Variants in SGTA observed in about 807,000 individuals in gnomAD.
The protein encoded by SGTA is small glutamine-rich tetratricopeptide repeat-containing protein alpha.
In SGTA, 22 loss-of-function variants were observed where a neutral mutation model predicts 44.3. The observed-to-expected ratio is 0.50, with a 90% CI of 0.36 to 0.71. The LOEUF is 0.71. Among genes scored for constraint, SGTA ranks in the 30% least tolerant of loss-of-function variants. The probability of loss-of-function intolerance (pLI) is 0.00; values close to 1 mark genes in which losing one functional copy is unlikely to be tolerated. For missense variants in SGTA, 341 were observed against 435.9 expected (o/e 0.78, Z 1.94); for synonymous variants, 174 against 177.6 (o/e 0.98, Z 0.16).
At chr19:2,762,924 C>A (rs746906770) in intron 6 of SGTA, among the ~76,000 whole-genome samples, 1 of 152,182 alleles carries the variant, frequency 6.6e-6, no homozygotes, top group Admixed American at 6.5e-5. Flanking sequence ...GAGGAGGGAG[C>A]GGGCCAGCTC....
intron 1 of SGTA, among the ~76,000 whole-genome samples, chr19:2,772,844 G>A (rs1293259518): frequency 1.2e-4 from 15 of 122,436 alleles, no homozygotes; most frequent in African/African-American, 5.5e-4. Flanking sequence ...ACCGAGGGCA[G>A]AGGTGGGTGA....
intron 1 of SGTA, among the ~76,000 whole-genome samples, chr19:2,777,103 T>C (rs959438500): frequency 6.6e-6 from 1 of 151,240 alleles, no homozygotes; most frequent in Admixed American, 6.6e-5. Context: ...GTACAAAAAA[T>C]AGCCGGTCGT....
rs1391888058 is a variant in SGTA at position 2,755,362 on chromosome 19, A to C, written c.*578T>G. On this transcript the variant is annotated 3_prime_UTR_variant, in exon 12 of 12. Transcript: ENST00000221566. This position sits in a 1 kb window ranked among gnomAD's most constrained non-coding sequence, Gnocchi z 5.2. ...AGCCGCGGAGGCGTGGGGTGACCGC[A>C]GCCGTCTCTTAGGTGTCTGCCACTA... The C allele has an allele frequency of 2.0e-6, 2 of 983,746 alleles. No individual in the cohort carries two copies. The highest frequency in any genetic ancestry group is 3.5e-5 in the African/African-American group (2 of 57,256). 60.9% of individuals were successfully genotyped at this position (983,746 alleles called of 1,614,324 possible).
intron 9 of SGTA, among the ~76,000 whole-genome samples, chr19:2,758,002 T>C (rs909006309): frequency 7.2e-5 from 11 of 152,122 alleles, no homozygotes; most frequent in Non-Finnish European, 1.5e-5. Context: ...CTAAAGAGCG[T>C]AGTTCTCAGC....
intron 1 of SGTA, among the ~76,000 whole-genome samples, chr19:2,779,867 G>A (rs1915531527): frequency 6.6e-6 from 1 of 152,112 alleles, no homozygotes; most frequent in Non-Finnish European, 1.5e-5. Context: ...GAGTCCAGGT[G>A]TTTAAGACCA....
chr19:2,782,172 C>T (rs1483616056), intron 1 of SGTA, among the ~76,000 whole-genome samples: 1 of 152,204 alleles, frequency 6.6e-6, no homozygotes, highest in South Asian at 2.1e-4. Context: ...CTGCAGGGTG[C>T]CGAGCAGCAA....
chr19:2,760,016 A>C (rs1306026775), intron 8 of SGTA, among the ~76,000 whole-genome samples: 1 of 152,100 alleles, frequency 6.6e-6, no homozygotes, highest in African/African-American at 2.4e-5. Flanking sequence ...GCACTTTCTC[A>C]TGTTAACTTT....
In SGTA at chr19:2,760,210, A is replaced by C. The variant is rs1308393399; in HGVS notation, c.700-916T>G. 2.6e-5 allele frequency among the ~76,000 whole-genome samples: 4 copies of C among 152,208 alleles called. No homozygotes were observed. The South Asian group carries it at 8.3e-4, about 32-fold the overall frequency. On this transcript the variant is annotated intron_variant, in intron 8 of 11. Coordinates refer to ENST00000221566, the MANE Select transcript of SGTA (RefSeq NM_003021.4). The stretch of plus-strand genomic sequence containing the variant: ...AGTGACACTAGGTGTATGAATGGGC[A>C]TGGCTGTGTGCCAATAAAACTTTAT...
rs529325999 is a variant in SGTA, at chr19:2,756,379, C to A, written c.*7-446G>T. Among the ~76,000 whole-genome samples, 9 of 151,392 alleles carry A rather than the reference C, an allele frequency of 5.9e-5. No homozygotes were observed. The East Asian group carries it at 1.7e-3, about 29-fold the overall frequency. On this transcript the variant is annotated intron_variant, in intron 11 of 11. Coordinates refer to ENST00000221566, the MANE Select transcript of SGTA (RefSeq NM_003021.4). ...GCCGAGGCGGGAGGATCGCTTGAGC[C>A]CAGGAGGTTGAGGCTGCAGTGAGAC...
In SGTA at chr19:2,767,598, T is replaced by G; in HGVS notation, c.189A>C (p.Glu63Asp). ...GGCTCACCTTGCCCGTGGCAGCCGC[T>G]TCAAATATCTCCGGCAGAGTCTGAG... The part of the protein sequence containing the change: ...ALPQTLPEIF[E>D]AAATGKEMPQ... Residue 63 changes from glutamate (E) to aspartate (D), a missense_variant, in exon 3 of 12, where the codon GAA becomes GAC. Transcript: ENST00000221566. This position sits in a 1 kb window ranked among gnomAD's most constrained non-coding sequence, Gnocchi z 7.3. 1.2e-6 allele frequency: 2 copies of G among 1,613,286 alleles called. No individual in the cohort carries two copies. Among genetic ancestry groups the G allele is most frequent in the African/African-American group, 2.7e-5 (2 of 75,030 alleles).
chr19:2,782,099 G>A (rs890982041), intron 1 of SGTA, among the ~76,000 whole-genome samples: 2 of 152,126 alleles, frequency 1.3e-5, no homozygotes, highest in Non-Finnish European at 1.5e-5. Context: ...GTATGGTAGG[G>A]TTTTTAAAGC....
Position 2,761,653 on chromosome 19 carries a change from T to C in SGTA, c.637-131A>G, listed in dbSNP as rs1223236785. 2.7e-6 allele frequency: 2 copies of C among 752,148 alleles called. No individual in the cohort carries two copies. Among genetic ancestry groups the C allele is most frequent in the Non-Finnish European group, 2.2e-6 (1 of 446,256 alleles). 46.6% of individuals were successfully genotyped at this position (752,148 alleles called of 1,614,324 possible). A position where few individuals can be genotyped will look rare whatever the true frequency, so the allele number is the denominator to read the frequency against. ...ATCAACCCTGCGGCCAGAGGGTGCT[T>C]TGAGGCAGGCAGCACGAAGCACATC... is the stretch of plus-strand genomic sequence containing the variant. On this transcript the variant is annotated intron_variant, in intron 7 of 11. Coordinates refer to ENST00000221566, the MANE Select transcript of SGTA (RefSeq NM_003021.4). The surrounding 1 kb of genome is among the most constrained non-coding windows in gnomAD (Gnocchi z 5.7).
Position 2,767,316 on chromosome 19 carries a change from G to A in SGTA, c.208-96C>T, listed in dbSNP as rs1311728826. The A allele has an allele frequency of 1.0e-6, 1 of 991,578 alleles. No individual in the cohort carries two copies. Among genetic ancestry groups the A allele is most frequent in the African/African-American group, 1.6e-5 (1 of 62,378 alleles). 61.4% of individuals were successfully genotyped at this position (991,578 alleles called of 1,614,324 possible). Reference sequence around the variant, plus strand: ...TCGGGACGCCAGAGAGGGCCACCAAGTTCCGAAGGACCCGGGGGCTCTGCA... The same window carrying A: ...TCGGGACGCCAGAGAGGGCCACCAAATTCCGAAGGACCCGGGGGCTCTGCA... On this transcript the variant is annotated intron_variant, in intron 3 of 11. Transcript: ENST00000221566. This position sits in a 1 kb window ranked among gnomAD's most constrained non-coding sequence, Gnocchi z 7.3.
At chr19:2,766,083 G>C (rs1915134786) in intron 4 of SGTA, among the ~76,000 whole-genome samples, 1 of 152,176 alleles carries the variant, frequency 6.6e-6, no homozygotes, top group African/African-American at 2.4e-5. Flanking sequence ...GGGCGTGGTG[G>C]TAGGCTTCTG....
chr19:2,759,975 A>C (rs114452243), intron 8 of SGTA, among the ~76,000 whole-genome samples: 3,448 of 152,136 alleles, frequency 0.023, 127 homozygotes, highest in African/African-American at 0.078. Flanking sequence ...AGAAGTAAAA[A>C]TAAATAAATA....
chr19:2,759,176 AG>A, intron 9 of SGTA, 80 bp downstream of exon 9: 1 of 1,269,044 alleles, frequency 7.9e-7, no homozygotes, highest in Non-Finnish European at 1.1e-6. Flanking sequence ...TAAAGTGGTT[AG>A]TTTTATGTTA....
Position 2,763,727 on chromosome 19 carries a change from G to A in SGTA, c.423C>T (p.Tyr141=), listed in dbSNP as rs780885143. Residue 141 remains tyrosine (Y), a synonymous_variant, in exon 6 of 12, where the codon TAC becomes TAT. Transcript: ENST00000221566. The surrounding 1 kb of genome is among the most constrained non-coding windows in gnomAD (Gnocchi z 5.8). ...GCTCACAGTCCTGCACCGCGCCTGC[G>A]TAGTTGCCGAGTTTGCTGTAGGCTG... ...RAAAYSKLGN[Y]AGAVQDCERA... is the part of the protein sequence containing the mutation. 6.2e-6 allele frequency: 10 copies of A among 1,613,758 alleles called. No individual in the cohort carries two copies. Among genetic ancestry groups the A allele is most frequent in the Middle Eastern group, 1.7e-4 (1 of 6,000 alleles).
At chr19:2,757,250 C>T in intron 11 of SGTA, 87 bp downstream of exon 11, 4 of 1,488,402 alleles carry the variant, frequency 2.7e-6, no homozygotes, top group Non-Finnish European at 3.6e-6. Flanking sequence ...CCCCGGGCGT[C>T]ACTCCTGCTG....
chr19:2,762,014 CCAGAGAAAGCAAATGACT>C (rs1340696677), intron 7 of SGTA, among the ~76,000 whole-genome samples: 3 of 152,160 alleles, frequency 2.0e-5, no homozygotes, highest in African/African-American at 7.2e-5. Flanking sequence ...TAGCCAATTC[CCAGAGAAAGCAAATGACT>C]CACCCAGAAA....
Sources: gnomAD v4.1 joint callset for allele counts (sites outside exome capture counted in the v4.1 genomes callset) on GRCh38, gnomAD v4.1.1 for gene constraint, Gnocchi (gnomAD v3.1) non-coding constraint, MANE v1.5 for transcripts, NCBI Gene and HGNC (gene_info 2026-07-23, HGNC 2026-07-21) for gene names.